Variants in COL5A2 observed in about 807,000 individuals in gnomAD.
COL5A2 encodes collagen alpha-2(V) chain.
COL5A2 carries 23 observed loss-of-function variants against 208.2 expected under a neutral mutation model. The ratio of observed to expected loss-of-function variants is 0.11; its 90% CI spans 0.08 to 0.16. The LOEUF is 0.16. Ranked by LOEUF, COL5A2 falls within the 10% of genes least tolerant of loss-of-function variation. The probability of loss-of-function intolerance (pLI) is 1.00; values close to 1 mark genes in which losing one functional copy is unlikely to be tolerated. For missense variants in COL5A2, 1,590 were observed against 1,956.4 expected (o/e 0.81, Z 3.53); for synonymous variants, 625 against 628.5 (o/e 0.99, Z 0.08).
At chr2:189,149,462 A>G (rs1482181819) in intron 1 of COL5A2, among the ~76,000 whole-genome samples, 1 of 152,212 alleles carries the variant, frequency 6.6e-6, no homozygotes, top group Non-Finnish European at 1.5e-5. Context: ...TTGGCTCTAT[A>G]TTCCATTAAA....
intron 1 of COL5A2, among the ~76,000 whole-genome samples, chr2:189,175,544 CTT>C (rs35381713): frequency 8.0e-6 from 1 of 125,388 alleles, no homozygotes. Flanking sequence ...AAAAAGAAAA[CTT>C]TTTTTTTTTT....
the COL5A2 span, among the ~76,000 whole-genome samples, chr2:189,351,099 C>G: frequency 6.6e-6 from 1 of 152,252 alleles, no homozygotes; most frequent in East Asian, 1.9e-4. Context: ...ATAGGAGTCT[C>G]CTTCACTCTC....
chr2:189,083,931 A>C (rs1182755049), intron 12 of COL5A2, 53 bp downstream of exon 12: 18 of 1,311,318 alleles, frequency 1.4e-5, no homozygotes, highest in Non-Finnish European at 2.0e-5. Context: ...TTGTGATTTA[A>C]TTCAATGTTC....
intron 1 of COL5A2, among the ~76,000 whole-genome samples, chr2:189,150,288 T>TC (rs751995130): frequency 3.3e-5 from 5 of 152,112 alleles, no homozygotes; most frequent in African/African-American, 4.8e-5. Context: ...TTAAATTATA[T>TC]CCAGAATGCT....
chr2:189,135,266 T>A (rs1687806615), intron 1 of COL5A2, among the ~76,000 whole-genome samples: 1 of 152,226 alleles, frequency 6.6e-6, no homozygotes, highest in Non-Finnish European at 1.5e-5. Flanking sequence ...ACCTCAACCC[T>A]ATTAGCAACT....
rs1424393048 is a variant in COL5A2, at chr2:189,043,570, GT to G, written c.3364-313del. Among the ~76,000 whole-genome samples the G allele has an allele frequency of 4.6e-5, 7 of 152,050 alleles. No individual in the cohort carries two copies. The East Asian group carries it at 1.4e-3, about 29-fold the overall frequency. On this transcript the variant is annotated intron_variant, in intron 47 of 53. Coordinates refer to ENST00000374866, the MANE Select transcript of COL5A2 (RefSeq NM_000393.5). ...TTGTTTGATCTAGCCTATCTGAAAT[GT>G]TTTTTAAAGATTATGCTTCACATAT...
At chr2:189,211,113 CG>C (rs2105867883) in intron 1 of COL5A2, among the ~76,000 whole-genome samples, 1 of 152,178 alleles carries the variant, frequency 6.6e-6, no homozygotes, top group Admixed American at 6.5e-5. Flanking sequence ...ATCATATAAG[CG>C]AAAGACGTGG....
intron 1 of COL5A2, among the ~76,000 whole-genome samples, chr2:189,196,538 T>C (rs1365421893): frequency 6.8e-6 from 1 of 147,590 alleles, no homozygotes; most frequent in African/African-American, 2.5e-5. Flanking sequence ...TCCCATATTG[T>C]TAGAATCCAG....
intron 1 of COL5A2, among the ~76,000 whole-genome samples, chr2:189,128,421 A>G (rs1049741895): frequency 1.1e-4 from 16 of 152,008 alleles, no homozygotes; most frequent in African/African-American, 3.6e-4. Flanking sequence ...AATCAGTTTC[A>G]TAAAAATTAT....
At chr2:189,043,781 A>G (rs1285065141) in intron 47 of COL5A2, among the ~76,000 whole-genome samples, 9 of 152,244 alleles carry the variant, frequency 5.9e-5, no homozygotes, top group Non-Finnish European at 1.3e-4. Context: ...CAAATTAAAC[A>G]GAAATATCAT....
chr2:189,374,346 G>T, the COL5A2 span, among the ~76,000 whole-genome samples: 1 of 150,462 alleles, frequency 6.6e-6, no homozygotes, highest in Non-Finnish European at 1.5e-5. Context: ...GATTCCTATA[G>T]TTTCTAAAGT....
At chr2:189,102,739 G>T (rs1687071744) in intron 3 of COL5A2, among the ~76,000 whole-genome samples, 1 of 152,032 alleles carries the variant, frequency 6.6e-6, no homozygotes, top group African/African-American at 2.4e-5. Flanking sequence ...TAATTATGTT[G>T]GAGTTAACAT....
the COL5A2 span, among the ~76,000 whole-genome samples, chr2:189,355,513 T>G: frequency 5.3e-5 from 2 of 37,806 alleles, no homozygotes; most frequent in Non-Finnish European, 2.9e-4. Context: ...CTTGTTGAAT[T>G]GATCCTTTAC....
chr2:189,207,237 T>G (rs536165076), intron 1 of COL5A2, among the ~76,000 whole-genome samples: 2 of 152,326 alleles, frequency 1.3e-5, no homozygotes, highest in South Asian at 4.1e-4. Flanking sequence ...TTTCATATTA[T>G]GGTATTTTCA....
the COL5A2 span, among the ~76,000 whole-genome samples, chr2:189,325,174 G>T: frequency 3.9e-5 from 6 of 151,996 alleles, no homozygotes; most frequent in Non-Finnish European, 7.4e-5. Context: ...TTGTGGGGTG[G>T]GGGAAGGGGG....
chr2:189,165,735 T>C (rs1421011952), intron 1 of COL5A2, among the ~76,000 whole-genome samples: 2 of 152,204 alleles, frequency 1.3e-5, no homozygotes, highest in Non-Finnish European at 2.9e-5. Context: ...TTTTGTTAAC[T>C]GTGTATTGAA....
chr2:189,118,766 C>A (rs1321626703), intron 1 of COL5A2, among the ~76,000 whole-genome samples: 1 of 152,086 alleles, frequency 6.6e-6, no homozygotes, highest in African/African-American at 2.4e-5. Flanking sequence ...TTGGAAATAT[C>A]TAGTGACTTG....
intron 10 of COL5A2, among the ~76,000 whole-genome samples, 157 bp from the exon 11 acceptor site, chr2:189,085,370 A>C (rs1686634197): frequency 6.6e-6 from 1 of 152,236 alleles, no homozygotes; most frequent in Admixed American, 6.5e-5. Flanking sequence ...AGTTTTATTA[A>C]AGTTTTGAAT....
chr2:189,184,663 C>G (rs1688824332), upstream of COL5A2, among the ~76,000 whole-genome samples: 1 of 152,194 alleles, frequency 6.6e-6, no homozygotes. Flanking sequence ...AGGACTTTTA[C>G]AGACCCATGT....
Sources: gnomAD v4.1 joint callset for allele counts (sites outside exome capture counted in the v4.1 genomes callset) on GRCh38, gnomAD v4.1.1 for gene constraint, MANE v1.5 for transcripts, NCBI Gene and HGNC (gene_info 2026-07-23, HGNC 2026-07-21) for gene names.